Variants in PNPLA1 observed in about 807,000 individuals in gnomAD.
The protein encoded by PNPLA1 is omega-hydroxyceramide transacylase.
PNPLA1 carries 36 observed loss-of-function variants against 51.7 expected under a neutral mutation model. That is an observed-to-expected ratio of 0.70 (90% CI 0.53 to 0.92). The LOEUF is 0.92. PNPLA1 is among the 40% of genes least tolerant of loss of function. The pLI, the probability that PNPLA1 is intolerant of heterozygous loss-of-function variation, is 0.00. For synonymous variants in PNPLA1, 293 were observed against 280.1 expected (o/e 1.05, Z -0.46); for missense variants, 658 against 682.5 (o/e 0.96, Z 0.40).
chr6:36,302,291 G>A lies in PNPLA1; in HGVS notation c.1206G>A (p.Gln402=), dbSNP rs751512988. 2 of 1,614,140 alleles carry A rather than the reference G, an allele frequency of 1.2e-6. No homozygotes were observed. The highest frequency in any genetic ancestry group is 8.5e-7 in the Non-Finnish European group (1 of 1,180,014). The change falls in exon 6 of 9, where the codon CAG becomes CAA. Residue 402 remains glutamine (Q), a synonymous_variant. Coordinates refer to ENST00000636260, the MANE Select transcript of PNPLA1 (RefSeq NM_001374623.1). The part of the protein sequence containing the change: ...PPPGLSPLSP[Q]QQVQPSGSPA... ...CTGGACTGTCACCTCTGTCACCTCA[G>A]CAGCAGGTACAACCGTCTGGATCAC...
chr6:36,252,537 G>A (rs867049527), intron 1 of PNPLA1, among the ~76,000 whole-genome samples: 8 of 42,648 alleles, frequency 1.9e-4, no homozygotes, highest in Admixed American at 3.2e-4. Context: ...CATGGCAAAA[G>A]GGGTCAAAAA....
At chr6:36,303,449 A>C (rs193138608) in intron 6 of PNPLA1, among the ~76,000 whole-genome samples, 1 of 152,302 alleles carries the variant, frequency 6.6e-6, no homozygotes, top group East Asian at 1.9e-4. Flanking sequence ...AAGCACCACT[A>C]TAGGGCCTGC....
At chr6:36,284,185 G>T (rs999508160) in intron 1 of PNPLA1, among the ~76,000 whole-genome samples, 9 of 152,222 alleles carry the variant, frequency 5.9e-5, no homozygotes, top group African/African-American at 2.2e-4. Context: ...TGGACACCTT[G>T]CTAGGAGCAC....
At chr6:36,291,668 T>C in intron 2 of PNPLA1, 116 bp downstream of exon 2, 1 of 854,500 alleles carries the variant, frequency 1.2e-6, no homozygotes. Context: ...CCCTAGTCCT[T>C]CCCTTCCTTC....
Position 36,306,388 on chromosome 6 carries a change from C to T in PNPLA1, c.1469+12C>T, listed in dbSNP as rs1243770043. 6.2e-7 allele frequency: 1 copy of T among 1,601,250 alleles called. No homozygotes were observed. The highest frequency in any genetic ancestry group is 8.5e-7 in the Non-Finnish European group (1 of 1,172,510). On this transcript the variant is annotated intron_variant, in intron 7 of 8. Transcript: ENST00000636260. ...AAGCCTTATGTAACGTAAGTTTCCC[C>T]TTCGTGGAGCACGCTCTTTCCTTTG...
intron 6 of PNPLA1, among the ~76,000 whole-genome samples, chr6:36,305,266 G>C (rs569236712): frequency 6.6e-6 from 1 of 152,242 alleles, no homozygotes; most frequent in South Asian, 2.1e-4. Flanking sequence ...TCTTCTTCCA[G>C]TGTGGCCCAA....
rs1365602237 is a variant in PNPLA1 at position 36,312,400 on chromosome 6, C to A, written c.*514C>A. Among the ~76,000 whole-genome samples the A allele has an allele frequency of 1.3e-5, 2 of 152,192 alleles. No homozygotes were observed. Among genetic ancestry groups the A allele is most frequent in the Non-Finnish European group, 2.9e-5 (2 of 68,018 alleles). On this transcript the variant is annotated 3_prime_UTR_variant, in exon 9 of 9. Transcript: ENST00000636260. ...ACCCCTGTGTAATGAAATGAACCCCCTAACTGGCTTTTGGTGTAGCTTGAG... is the reference window on the plus strand; with the variant it reads ...ACCCCTGTGTAATGAAATGAACCCCATAACTGGCTTTTGGTGTAGCTTGAG...
chr6:36,293,137 C>T lies in PNPLA1; in HGVS notation c.504+11C>T, dbSNP rs2239796. 0.31 allele frequency: 494,684 copies of T among 1,612,660 alleles called. 80,954 individuals are homozygous for T. The highest frequency in any genetic ancestry group is 0.46 in the Admixed American group (27,765 of 59,968). On this transcript the variant is annotated intron_variant, in intron 3 of 8. Coordinates refer to ENST00000636260, the MANE Select transcript of PNPLA1 (RefSeq NM_001374623.1). ...ACTTACCGCGGTGTGGTGAGTGCTT[C>T]GGCATGGTGAGGGGTGAGATGGGAT...
chr6:36,252,095 T>A (rs1582025363), intron 1 of PNPLA1, among the ~76,000 whole-genome samples: 1 of 152,188 alleles, frequency 6.6e-6, no homozygotes, highest in Non-Finnish European at 1.5e-5. Flanking sequence ...GTCAGCTCCC[T>A]ATCCTAATAG....
At chr6:36,269,364 G>A (rs1769839662), upstream of PNPLA1, among the ~76,000 whole-genome samples, 3 of 152,128 alleles carry the variant, frequency 2.0e-5, no homozygotes, top group African/African-American at 7.2e-5. Context: ...AGCCCCTCAG[G>A]GGGCAGAACC....
At chr6:36,263,256 C>T (rs1018089072) in intron 1 of PNPLA1, among the ~76,000 whole-genome samples, 12 of 151,996 alleles carry the variant, frequency 7.9e-5, no homozygotes, top group Non-Finnish European at 1.0e-4. Flanking sequence ...AACTGCACAC[C>T]GGGAGAGGAT....
In PNPLA1 at chr6:36,313,751, T is replaced by C. The variant is rs1771456204; in HGVS notation, c.*1865T>C. Among the ~76,000 whole-genome samples the C allele has an allele frequency of 3.3e-5, 5 of 152,306 alleles. No individual in the cohort carries two copies. The highest frequency in any genetic ancestry group is 1.2e-4 in the African/African-American group (5 of 41,576). On this transcript the variant is annotated 3_prime_UTR_variant, in exon 9 of 9. Coordinates refer to ENST00000636260, the MANE Select transcript of PNPLA1 (RefSeq NM_001374623.1). Reference sequence around the variant, plus strand: ...TTTCTTCCAGGAGTGGCCTCCATGTTTGCAGAAGCCTGAGGCCTGGGAAAC... The same window carrying C: ...TTTCTTCCAGGAGTGGCCTCCATGTCTGCAGAAGCCTGAGGCCTGGGAAAC...
At chr6:36,275,382 T>G (rs1770059706) in intron 1 of PNPLA1, among the ~76,000 whole-genome samples, 1 of 152,184 alleles carries the variant, frequency 6.6e-6, no homozygotes, top group African/African-American at 2.4e-5. Flanking sequence ...CGCCTGGCCA[T>G]CCTCTTATAA....
At chr6:36,263,816 C>G (rs754422727) in intron 1 of PNPLA1, among the ~76,000 whole-genome samples, 1 of 152,210 alleles carries the variant, frequency 6.6e-6, no homozygotes, top group African/African-American at 2.4e-5. Context: ...CTGATCCACC[C>G]TCTCTATCTG....
At chr6:36,285,030 G>C (rs955829555) in intron 1 of PNPLA1, among the ~76,000 whole-genome samples, 1 of 152,168 alleles carries the variant, frequency 6.6e-6, no homozygotes, top group African/African-American at 2.4e-5. Flanking sequence ...GTCACTGTGA[G>C]GATAAACTGA....
intron 1 of PNPLA1, among the ~76,000 whole-genome samples, chr6:36,275,975 T>TCTTTCCTTCTTTC (rs757403775): frequency 6.6e-6 from 1 of 150,742 alleles, no homozygotes; most frequent in African/African-American, 2.5e-5. Flanking sequence ...TTTCTTTCTT[T>TCTTTCCTTCTTTC]TGAGACAGAG....
At chr6:36,244,183 A>G (rs1769212736) in intron 1 of PNPLA1, among the ~76,000 whole-genome samples, 1 of 151,900 alleles carries the variant, frequency 6.6e-6, no homozygotes, top group Admixed American at 6.6e-5. Context: ...TTGCATTTAC[A>G]TGGTCTCAAA....
chr6:36,273,138 C>T (rs988452603), intron 1 of PNPLA1, among the ~76,000 whole-genome samples: 10 of 151,800 alleles, frequency 6.6e-5, no homozygotes, highest in Admixed American at 2.0e-4. Context: ...CCCAGCTACT[C>T]GGGAGGCTGA....
At chr6:36,251,124 T>C (rs1225092493) in intron 1 of PNPLA1, among the ~76,000 whole-genome samples, 2 of 152,214 alleles carry the variant, frequency 1.3e-5, no homozygotes, top group Non-Finnish European at 2.9e-5. Context: ...AATTTCCTCA[T>C]CTTGGGTCTC....
Sources: allele counts gnomAD v4.1 joint callset (sites outside exome capture counted in the v4.1 genomes callset), GRCh38; gene constraint gnomAD v4.1.1; transcripts MANE v1.5; gene names NCBI Gene and HGNC (gene_info 2026-07-23, HGNC 2026-07-21).